The following DIS3L2 variants were observed in gnomAD, a reference collection of about 807,000 sequenced individuals.
The protein encoded by DIS3L2 is DIS3-like exonuclease 2.
A neutral mutation model predicts 97.5 loss-of-function variants in DIS3L2; 34 were observed. The observed-to-expected ratio is 0.35, with a 90% confidence interval of 0.27 to 0.46. The LOEUF is 0.46. DIS3L2 is among the 20% of genes least tolerant of loss of function. The pLI is 1.00. For synonymous variants in DIS3L2, 435 were observed against 445.2 expected, an observed-to-expected ratio of 0.98 and a Z score of 0.29; for missense variants, 1,038 against 1,146.0, an observed-to-expected ratio of 0.91 and a Z score of 1.36.
intron 5 of DIS3L2, among the ~76,000 whole-genome samples, chr2:232,066,820 G>T (rs1695867916): frequency 6.6e-6 from 1 of 151,852 alleles, no homozygotes; most frequent in African/African-American, 2.4e-5. Flanking sequence ...AGATACTAAA[G>T]GCTTTTAAAT....
intron 9 of DIS3L2, among the ~76,000 whole-genome samples, chr2:232,184,369 C>T (rs138164086): frequency 1.6e-3 from 244 of 152,242 alleles, no homozygotes; most frequent in African/African-American, 5.4e-3. Context: ...AAAATAAGGT[C>T]GGGTGCGTGG....
chr2:232,089,344 G>T (rs1217404748), intron 6 of DIS3L2, among the ~76,000 whole-genome samples: 3 of 152,188 alleles, frequency 2.0e-5, no homozygotes, highest in Admixed American at 1.3e-4. Context: ...GACACGTTTA[G>T]GTAACTAGTG....
intron 12 of DIS3L2, among the ~76,000 whole-genome samples, chr2:232,255,787 G>C (rs1693543951): frequency 6.6e-6 from 1 of 152,146 alleles, no homozygotes; most frequent in Non-Finnish European, 1.5e-5. Context: ...AGGACCTGGA[G>C]TGTACTATGG....
At chr2:232,335,582 C>G (rs1328831044) in intron 19 of DIS3L2, 191 bp from the exon 20 acceptor site, 2 of 634,176 alleles carry the variant, frequency 3.2e-6, no homozygotes, top group African/African-American at 3.7e-5. Flanking sequence ...ACCCCTGGCC[C>G]TTGGTCACTC....
intron 5 of DIS3L2, among the ~76,000 whole-genome samples, chr2:232,046,057 A>C (rs539162248): frequency 8.5e-4 from 129 of 152,306 alleles, no homozygotes; most frequent in African/African-American, 3.1e-3. Flanking sequence ...GTCTCACTGG[A>C]TGAATGCTAT....
rs1694154723 is a variant in DIS3L2 at position 232,276,843 on chromosome 2, T to G, written c.1659+13403T>G. Among the ~76,000 whole-genome samples the G allele has an allele frequency of 6.6e-6, 1 of 152,204 alleles. No homozygotes were observed. The highest frequency in any genetic ancestry group is 6.5e-5 in the Admixed American group (1 of 15,276). On this transcript the variant is annotated intron_variant, in intron 13 of 20. Transcript: ENST00000325385. This position sits in a 1 kb window ranked among gnomAD's most constrained non-coding sequence, Gnocchi z 4.4. ...TATAGGAATATTAGGTTAGATGAGA[T>G]GTACCCGTAAAACACTTGGAACAGT...
intron 9 of DIS3L2, among the ~76,000 whole-genome samples, chr2:232,183,477 T>G (rs1053970859): frequency 3.9e-5 from 6 of 152,206 alleles, no homozygotes; most frequent in African/African-American, 1.4e-4. Flanking sequence ...AGCCTTCACT[T>G]CCTGCTGTTG....
chr2:232,238,383 G>A (rs909401102), intron 10 of DIS3L2, 150 bp from the exon 11 acceptor site: 12 of 589,630 alleles, frequency 2.0e-5, no homozygotes, highest in Non-Finnish European at 3.6e-5. Context: ...GAGGGAGGTG[G>A]CCAAGGAAGG....
chr2:231,980,924 C>T lies in DIS3L2; in HGVS notation c.-94+19159C>T, dbSNP rs1302120222. On this transcript the variant is annotated intron_variant, in intron 1 of 20. Coordinates refer to ENST00000325385, the MANE Select transcript of DIS3L2 (RefSeq NM_152383.5). ...AGCTGGGACCACAGGCATGTGCCACCACGCCTGGCTAATTTTTAAATTTTT... is the reference window on the plus strand; with the variant it reads ...AGCTGGGACCACAGGCATGTGCCACTACGCCTGGCTAATTTTTAAATTTTT... Among the ~76,000 whole-genome samples the T allele has an allele frequency of 2.0e-5, 3 of 152,240 alleles. No individual in the cohort carries two copies. The East Asian group carries it at 5.8e-4, about 29-fold the overall frequency.
chr2:232,322,347 C>T (rs1232843483), intron 14 of DIS3L2, among the ~76,000 whole-genome samples: 1 of 152,160 alleles, frequency 6.6e-6, no homozygotes, highest in Non-Finnish European at 1.5e-5. Flanking sequence ...TCAGATGGAC[C>T]GAGAGTGGCA....
chr2:232,050,567 C>T (rs1166759451), intron 5 of DIS3L2, among the ~76,000 whole-genome samples: 1 of 152,196 alleles, frequency 6.6e-6, no homozygotes, highest in Non-Finnish European at 1.5e-5. Flanking sequence ...TGAGCCACTG[C>T]ACCCGGCCGG....
At chr2:232,144,220 A>G (rs1690153327) in intron 8 of DIS3L2, among the ~76,000 whole-genome samples, 1 of 152,130 alleles carries the variant, frequency 6.6e-6, no homozygotes, top group Admixed American at 6.5e-5. Context: ...TAACTTTACA[A>G]CTTTCTAGCC....
chr2:232,177,254 C>T (rs1468764952), intron 9 of DIS3L2, among the ~76,000 whole-genome samples: 5 of 144,700 alleles, frequency 3.5e-5, no homozygotes, highest in East Asian at 4.0e-4. Context: ...TGAATAATGC[C>T]GCAATAAACA....
At chr2:232,022,550 C>A (rs540674973) in intron 3 of DIS3L2, among the ~76,000 whole-genome samples, 1 of 151,594 alleles carries the variant, frequency 6.6e-6, no homozygotes, top group Admixed American at 6.6e-5. Flanking sequence ...ATTCTTTGAG[C>A]GACAAGGGAT....
intron 8 of DIS3L2, among the ~76,000 whole-genome samples, chr2:232,142,136 C>T (rs1690069960): frequency 6.6e-6 from 1 of 151,858 alleles, no homozygotes; most frequent in Admixed American, 6.6e-5. Flanking sequence ...ACTCGCATTA[C>T]CAGATCTATA....
chr2:232,029,160 C>T (rs1181602232), intron 4 of DIS3L2, among the ~76,000 whole-genome samples: 1 of 152,110 alleles, frequency 6.6e-6, no homozygotes, highest in African/African-American at 2.4e-5. Flanking sequence ...TTGCTGTCAC[C>T]TCCTGTAAGA....
chr2:232,014,794 G>C (rs1694306129), intron 1 of DIS3L2, 41 bp from the exon 2 acceptor site: 3 of 915,242 alleles, frequency 3.3e-6, no homozygotes. Context: ...GGAGGCTACA[G>C]CTTAACCGCT....
intron 8 of DIS3L2, among the ~76,000 whole-genome samples, chr2:232,144,722 A>T (rs1458777790): frequency 6.6e-6 from 1 of 152,126 alleles, no homozygotes. Flanking sequence ...GAATCCCGTA[A>T]TACAGTTAGC....
At chr2:232,034,805 A>G (rs1000498183) in intron 5 of DIS3L2, among the ~76,000 whole-genome samples, 2 of 152,292 alleles carry the variant, frequency 1.3e-5, no homozygotes, top group Non-Finnish European at 1.5e-5. Context: ...CCTGAATTCT[A>G]ATTTGATTGT....
Sources: allele counts gnomAD v4.1 joint callset (sites outside exome capture counted in the v4.1 genomes callset), GRCh38; gene constraint gnomAD v4.1.1; non-coding constraint Gnocchi (gnomAD v3.1); transcripts MANE v1.5; gene names NCBI Gene and HGNC (gene_info 2026-07-23, HGNC 2026-07-21).